Variants in DGKB observed in about 807,000 individuals in gnomAD.
DGKB encodes the protein diacylglycerol kinase beta, also known as 90 kDa diacylglycerol kinase.
A neutral mutation model predicts 114.3 loss-of-function variants in DGKB; 67 were observed. The ratio of observed to expected loss-of-function variants is 0.59; its 90% CI spans 0.48 to 0.72. DGKB has a LOEUF of 0.72. Among genes scored for constraint, DGKB ranks in the 30% least tolerant of loss-of-function variants. DGKB has a pLI of 0.00. For missense variants in DGKB, 907 were observed against 975.2 expected, an observed-to-expected ratio of 0.93 and a Z score of 0.93; for synonymous variants, 398 against 323.1, an observed-to-expected ratio of 1.23 and a Z score of -2.49.
At chr7:14,733,016 CA>C (rs1385451428) in intron 5 of DGKB, among the ~76,000 whole-genome samples, 1 of 152,048 alleles carries the variant, frequency 6.6e-6, no homozygotes, top group Non-Finnish European at 1.5e-5. Context: ...AAATACAGGA[CA>C]ACTTTCTTAT....
chr7:14,605,334 T>C (rs1024779274), intron 17 of DGKB, among the ~76,000 whole-genome samples: 9 of 148,392 alleles, frequency 6.1e-5, no homozygotes, highest in African/African-American at 1.2e-4. Context: ...ACTATCTACC[T>C]ATATTTCATA....
chr7:14,200,219 AAT>A (rs1785631392), intron 23 of DGKB, among the ~76,000 whole-genome samples: 1 of 152,022 alleles, frequency 6.6e-6, no homozygotes, highest in Non-Finnish European at 1.5e-5. Context: ...ATAAAAACAC[AAT>A]ATGTTTATGA....
At chr7:14,753,992 T>C (rs1338104690) in intron 3 of DGKB, 44 bp from the exon 4 acceptor site, 10 of 1,300,628 alleles carry the variant, frequency 7.7e-6, no homozygotes, top group East Asian at 2.4e-5. Context: ...TAATGTAAGA[T>C]ACTTTATACT....
In DGKB at chr7:14,574,387, A is replaced by AT. The variant is rs772952952; in HGVS notation, c.1610-16_1610-15insA. 3 of 1,598,890 alleles carry AT rather than the reference A, an allele frequency of 1.9e-6. No homozygotes were observed. In the African/African-American group the frequency reaches 4.1e-5, roughly 22 times the overall value. On this transcript the variant is annotated splice_polypyrimidine_tract_variant and intron_variant, in intron 19 of 25. Coordinates refer to ENST00000402815, the MANE Select transcript of DGKB (RefSeq NM_001350709.2). Reference sequence around the variant, plus strand: ...ACCTTCGTAACCTAGTGGGAAAAAAAAATACCTTGAGAAAAGAACTCTAAC... The same window carrying AT: ...ACCTTCGTAACCTAGTGGGAAAAAAATAATACCTTGAGAAAAGAACTCTAAC...
intron 2 of DGKB, among the ~76,000 whole-genome samples, chr7:14,836,285 A>G (rs1479814906): frequency 6.6e-6 from 1 of 152,176 alleles, no homozygotes; most frequent in East Asian, 1.9e-4. Context: ...TAATTTTGCA[A>G]CTCCTCACAA....
chr7:14,194,340 A>C (rs1784725582), intron 23 of DGKB, among the ~76,000 whole-genome samples: 1 of 152,182 alleles, frequency 6.6e-6, no homozygotes, highest in Non-Finnish European at 1.5e-5. Context: ...TGTGGCAAAT[A>C]TACACCGTAG....
chr7:14,356,443 G>A (rs893979375), intron 21 of DGKB, among the ~76,000 whole-genome samples: 2 of 138,900 alleles, frequency 1.4e-5, no homozygotes, highest in African/African-American at 5.4e-5. Context: ...CTCACTGCAA[G>A]CTCCGCCTTC....
chr7:14,724,607 G>A (rs1030350904), intron 5 of DGKB, among the ~76,000 whole-genome samples: 9 of 152,190 alleles, frequency 5.9e-5, no homozygotes, highest in Admixed American at 1.3e-4. Flanking sequence ...TGGGGATAAC[G>A]TTTTAAGAGC....
Position 14,395,064 on chromosome 7 carries a change from A to G in DGKB, c.1836-49673T>C, listed in dbSNP as rs569871896. On this transcript the variant is annotated intron_variant, in intron 21 of 25. Transcript: ENST00000402815. ...GAGCAAATAGACTCCTAATCAACATATTATCGATCCTTCATTTTTGTCAAG... is the reference window on the plus strand; with the variant it reads ...GAGCAAATAGACTCCTAATCAACATGTTATCGATCCTTCATTTTTGTCAAG... 2.0e-5 allele frequency among the ~76,000 whole-genome samples: 3 copies of G among 152,242 alleles called. No individual in the cohort carries two copies. The South Asian group carries it at 6.2e-4, about 32-fold the overall frequency.
chr7:14,251,226 C>A (rs1795190014), intron 23 of DGKB, among the ~76,000 whole-genome samples: 1 of 152,020 alleles, frequency 6.6e-6, no homozygotes, highest in African/African-American at 2.4e-5. Context: ...GACTGTATTA[C>A]TTCTGAATTG....
intron 22 of DGKB, among the ~76,000 whole-genome samples, chr7:14,343,764 GT>G (rs1044960418): frequency 6.7e-6 from 1 of 150,150 alleles, no homozygotes; most frequent in Non-Finnish European, 1.5e-5. Context: ...ATATAAAGCA[GT>G]TTTTTTAAAA....
At chr7:14,763,095 C>A (rs1322766742) in intron 2 of DGKB, among the ~76,000 whole-genome samples, 2 of 152,048 alleles carry the variant, frequency 1.3e-5, no homozygotes, top group Non-Finnish European at 2.9e-5. Flanking sequence ...ATTCAATATC[C>A]ATTCATCCAA....
chr7:14,415,898 G>A (rs1257157912), intron 21 of DGKB, among the ~76,000 whole-genome samples: 16 of 152,134 alleles, frequency 1.1e-4, no homozygotes, highest in Non-Finnish European at 4.4e-5. Flanking sequence ...CAGTGTAAAA[G>A]TGTTCCTATT....
At chr7:14,744,350 C>T (rs1361236620) in intron 4 of DGKB, among the ~76,000 whole-genome samples, 2 of 152,186 alleles carry the variant, frequency 1.3e-5, no homozygotes, top group East Asian at 3.9e-4. Context: ...GAGAGGTGTA[C>T]TTCCTTTTAA....
At chr7:14,867,680 C>T (rs1851883187) in intron 1 of DGKB, among the ~76,000 whole-genome samples, 2 of 151,650 alleles carry the variant, frequency 1.3e-5, no homozygotes, top group African/African-American at 4.9e-5. Flanking sequence ...TATAAATATC[C>T]CTAATCATAT....
chr7:14,498,818 A>G (rs1355255935), intron 20 of DGKB, among the ~76,000 whole-genome samples: 1 of 151,776 alleles, frequency 6.6e-6, no homozygotes, highest in African/African-American at 2.4e-5. Flanking sequence ...TAGTTTATTT[A>G]CTTGCGGTAA....
chr7:14,156,525 T>C (rs965258665), intron 25 of DGKB, among the ~76,000 whole-genome samples: 34 of 152,282 alleles, frequency 2.2e-4, no homozygotes, highest in African/African-American at 8.2e-4. Flanking sequence ...CATATAATTT[T>C]CACATTAGGA....
At chr7:14,633,935 T>TTC (rs1240013214) in intron 13 of DGKB, among the ~76,000 whole-genome samples, 1 of 151,578 alleles carries the variant, frequency 6.6e-6, no homozygotes, top group Non-Finnish European at 1.5e-5. Context: ...ATCTCTTGTC[T>TTC]TCATATTTTC....
chr7:14,674,513 T>C (rs1325080554), intron 12 of DGKB, among the ~76,000 whole-genome samples: 1 of 152,158 alleles, frequency 6.6e-6, no homozygotes, highest in East Asian at 1.9e-4. Context: ...AGTTAACAGA[T>C]TAGCAAGTGT....
Sources: allele counts gnomAD v4.1 joint callset (sites outside exome capture counted in the v4.1 genomes callset), GRCh38; gene constraint gnomAD v4.1.1; transcripts MANE v1.5; gene names NCBI Gene and HGNC (gene_info 2026-07-23, HGNC 2026-07-21).